Variants in AUTS2 observed in about 807,000 individuals in gnomAD.
AUTS2 encodes the protein activator of transcription and developmental regulator AUTS2.
Under a neutral mutation model 112.4 loss-of-function variants are expected in AUTS2, and 17 were observed. The ratio of observed to expected loss-of-function variants is 0.15; its 90% CI spans 0.10 to 0.23. The LOEUF is 0.23. Ranked by LOEUF, AUTS2 falls within the 10% of genes least tolerant of loss-of-function variation. The pLI is 1.00. For synonymous variants in AUTS2, 751 were observed against 702.7 expected (o/e 1.07, Z -1.09); for missense variants, 1,510 against 1,701.6 (o/e 0.89, Z 1.98).
chr7:69,891,234 T>C (rs1454988548), intron 1 of AUTS2, among the ~76,000 whole-genome samples: 1 of 152,220 alleles, frequency 6.6e-6, no homozygotes, highest in Non-Finnish European at 1.5e-5. Context: ...TCATACATAA[T>C]ATAATCTTTT....
chr7:70,518,726 CAG>C (rs1030296378), intron 5 of AUTS2, among the ~76,000 whole-genome samples: 1 of 151,696 alleles, frequency 6.6e-6, no homozygotes, highest in African/African-American at 2.4e-5. Flanking sequence ...TTGTTTGAGA[CAG>C]AGTCTCACTC....
At chr7:69,690,055 C>G (rs1797257541) in intron 1 of AUTS2, among the ~76,000 whole-genome samples, 1 of 152,154 alleles carries the variant, frequency 6.6e-6, no homozygotes, top group African/African-American at 2.4e-5. Flanking sequence ...TAAGTTTCTA[C>G]TGGATTGTAA....
intron 4 of AUTS2, among the ~76,000 whole-genome samples, chr7:70,379,790 A>C (rs1016952119): frequency 6.6e-6 from 1 of 152,226 alleles, no homozygotes; most frequent in Non-Finnish European, 1.5e-5. Context: ...TATGACATTT[A>C]CTTGAAGTGT....
At chr7:70,599,044 T>C (rs1229802891) in intron 5 of AUTS2, among the ~76,000 whole-genome samples, 1 of 152,246 alleles carries the variant, frequency 6.6e-6, no homozygotes, top group South Asian at 2.1e-4. Flanking sequence ...GCCTCTACTT[T>C]TCTTTTCCTT....
At chr7:69,710,758 G>T (rs1255099735) in intron 1 of AUTS2, among the ~76,000 whole-genome samples, 1 of 152,156 alleles carries the variant, frequency 6.6e-6, no homozygotes, top group Non-Finnish European at 1.5e-5. Flanking sequence ...CCTCCATTGC[G>T]CTGTTTAAAT....
chr7:70,571,742 G>A (rs931852460), intron 5 of AUTS2, among the ~76,000 whole-genome samples: 5 of 152,204 alleles, frequency 3.3e-5, no homozygotes, highest in African/African-American at 1.2e-4. Context: ...GCCATGAGGT[G>A]TGCAAGGGGA....
chr7:70,757,996 G>C (rs1327349791), intron 6 of AUTS2, among the ~76,000 whole-genome samples: 1 of 151,784 alleles, frequency 6.6e-6, no homozygotes, highest in Non-Finnish European at 1.5e-5. Flanking sequence ...TGGCCAGGCT[G>C]GTGTTGAACT....
At chr7:70,258,560 G>A (rs894025433) in intron 4 of AUTS2, among the ~76,000 whole-genome samples, 8 of 152,040 alleles carry the variant, frequency 5.3e-5, no homozygotes, top group African/African-American at 1.4e-4. Context: ...GTGAGGCAAG[G>A]GACTCATTGG....
chr7:70,086,255 A>G (rs1160839478), intron 2 of AUTS2, among the ~76,000 whole-genome samples: 1 of 152,222 alleles, frequency 6.6e-6, no homozygotes, highest in Non-Finnish European at 1.5e-5. Context: ...GACCAATTTC[A>G]AAAAATTGAT....
chr7:70,614,652 C>G (rs903890069), intron 5 of AUTS2, among the ~76,000 whole-genome samples: 3 of 152,192 alleles, frequency 2.0e-5, no homozygotes, highest in Non-Finnish European at 4.4e-5. Context: ...ACCCCCACCC[C>G]CACGCTGGCC....
intron 1 of AUTS2, among the ~76,000 whole-genome samples, chr7:69,889,004 A>C (rs1794402722): frequency 6.6e-6 from 1 of 152,204 alleles, no homozygotes; most frequent in Non-Finnish European, 1.5e-5. Context: ...AATTCATAGC[A>C]TGGCCCAACA....
At position 70,577,179 on chromosome 7, in the gene AUTS2, A is replaced by G. The variant is rs553599721; in HGVS notation, c.691-121390A>G. On this transcript the variant is annotated intron_variant, in intron 5 of 18. Transcript: ENST00000342771. The stretch of plus-strand genomic sequence containing the variant: ...CTGATTGCAGAGTTACGAATAATTG[A>G]GCCTTTTTTGAAGAGTTGGTTTTCC... Among the ~76,000 whole-genome samples the G allele has an allele frequency of 7.2e-5, 11 of 152,308 alleles. No homozygotes were observed. In the South Asian group the frequency reaches 2.3e-3, roughly 32 times the overall value.
At chr7:69,706,361 TAGTA>T (rs1211928804) in intron 1 of AUTS2, among the ~76,000 whole-genome samples, 2 of 152,026 alleles carry the variant, frequency 1.3e-5, no homozygotes, top group Non-Finnish European at 2.9e-5. Flanking sequence ...TCTGTTCTGT[TAGTA>T]AGTGAGGGGG....
intron 2 of AUTS2, among the ~76,000 whole-genome samples, chr7:70,015,803 CTTTTT>C (rs59809437): frequency 7.2e-6 from 1 of 138,982 alleles, no homozygotes; most frequent in Admixed American, 7.3e-5. Flanking sequence ...TAAATATTCA[CTTTTT>C]TTTTTTTTTT....
intron 2 of AUTS2, among the ~76,000 whole-genome samples, chr7:70,096,976 C>T (rs569224488): frequency 6.6e-6 from 1 of 152,148 alleles, no homozygotes; most frequent in Non-Finnish European, 1.5e-5. Context: ...TCTCTTTTTG[C>T]TTCTTCTACC....
chr7:70,130,613 A>C (rs1056536736), intron 3 of AUTS2, among the ~76,000 whole-genome samples: 12 of 152,072 alleles, frequency 7.9e-5, no homozygotes, highest in African/African-American at 2.9e-4. Flanking sequence ...GTTTCTAAGA[A>C]AGCTCTCCTT....
At chr7:70,289,312 T>A (rs1332731310) in intron 4 of AUTS2, among the ~76,000 whole-genome samples, 2 of 152,242 alleles carry the variant, frequency 1.3e-5, no homozygotes, top group Non-Finnish European at 2.9e-5. Flanking sequence ...AATCCAGTGC[T>A]ATTGGAAGAT....
At chr7:70,427,080 T>G (rs947197585) in intron 4 of AUTS2, among the ~76,000 whole-genome samples, 3 of 152,032 alleles carry the variant, frequency 2.0e-5, no homozygotes, top group Non-Finnish European at 4.4e-5. Flanking sequence ...AATAGAATTC[T>G]GCCAAAGCAC....
In AUTS2 at chr7:69,922,836, G is replaced by A. The variant is rs150825325; in HGVS notation, c.522+23338G>A. Among the ~76,000 whole-genome samples the A allele has an allele frequency of 5.3e-5, 8 of 152,236 alleles. No individual in the cohort carries two copies. In the East Asian group the frequency reaches 1.5e-3, roughly 29 times the overall value. ...AGTATATTATCTCTCAGTTGATTTT[G>A]TACACCATTTTGAATATTTTCTGTA... On this transcript the variant is annotated intron_variant, in intron 2 of 18. Transcript: ENST00000342771.
Sources: allele counts gnomAD v4.1 joint callset (sites outside exome capture counted in the v4.1 genomes callset), GRCh38; gene constraint gnomAD v4.1.1; transcripts MANE v1.5; gene names NCBI Gene and HGNC (gene_info 2026-07-23, HGNC 2026-07-21).